DLG2: variants seen among roughly 807,000 people sequenced by gnomAD.
DLG2 encodes disks large homolog 2.
Under a neutral mutation model 132.5 loss-of-function variants are expected in DLG2, and 45 were observed. That is an observed-to-expected ratio of 0.34 (90% confidence interval 0.27 to 0.44). DLG2 has a LOEUF of 0.44. Ranked by LOEUF, DLG2 falls within the 20% of genes least tolerant of loss-of-function variation. The pLI is 1.00. For missense variants in DLG2, 1,045 were observed against 1,196.9 expected (o/e 0.87, Z 1.87); for synonymous variants, 424 against 419.6 (o/e 1.01, Z -0.13).
intron 6 of DLG2, among the ~76,000 whole-genome samples, chr11:85,058,708 A>G (rs1224358562): frequency 1.3e-5 from 2 of 151,560 alleles, no homozygotes; most frequent in Admixed American, 1.3e-4. Context: ...AATAGGGTTT[A>G]AAAATAGGCC....
intron 6 of DLG2, among the ~76,000 whole-genome samples, chr11:84,855,323 G>A (rs373850440): frequency 8.5e-5 from 13 of 152,150 alleles, no homozygotes; most frequent in East Asian, 7.7e-4. Context: ...AGTGATAACC[G>A]GGAATAATGA....
At chr11:84,838,003 G>T (rs1013572405) in intron 6 of DLG2, among the ~76,000 whole-genome samples, 1 of 151,792 alleles carries the variant, frequency 6.6e-6, no homozygotes, top group African/African-American at 2.4e-5. Flanking sequence ...GCATGTCAAA[G>T]CTTGATATCA....
At chr11:84,525,884 C>T (rs184201344) in intron 7 of DLG2, among the ~76,000 whole-genome samples, 1 of 152,122 alleles carries the variant, frequency 6.6e-6, no homozygotes, top group Non-Finnish European at 1.5e-5. Flanking sequence ...TACTGTTACA[C>T]AACTGCTAGA....
At chr11:84,596,139 TGAAA>T (rs1255755828) in intron 6 of DLG2, among the ~76,000 whole-genome samples, 2 of 152,150 alleles carry the variant, frequency 1.3e-5, no homozygotes, top group African/African-American at 4.8e-5. Context: ...TCTCATCAGC[TGAAA>T]GAATTATCAG....
At chr11:84,690,879 T>G (rs1339719165) in intron 6 of DLG2, among the ~76,000 whole-genome samples, 1 of 151,850 alleles carries the variant, frequency 6.6e-6, no homozygotes, top group African/African-American at 2.4e-5. Flanking sequence ...TCAAAATAAA[T>G]GGAATTGATA....
At chr11:84,672,707 C>T (rs1385289927) in intron 6 of DLG2, among the ~76,000 whole-genome samples, 1 of 152,124 alleles carries the variant, frequency 6.6e-6, no homozygotes, top group Non-Finnish European at 1.5e-5. Flanking sequence ...TCCCTGTTAC[C>T]AGGAATACAG....
chr11:84,990,383 G>C (rs1290742928), intron 6 of DLG2, among the ~76,000 whole-genome samples: 1 of 152,146 alleles, frequency 6.6e-6, no homozygotes, highest in Non-Finnish European at 1.5e-5. Context: ...AATGAGATTA[G>C]TGCCCCTATA....
At chr11:84,833,319 A>G (rs1166709901) in intron 6 of DLG2, among the ~76,000 whole-genome samples, 2 of 151,652 alleles carry the variant, frequency 1.3e-5, no homozygotes, top group African/African-American at 2.4e-5. Context: ...AACGTCTCTC[A>G]GAGCTTCACT....
chr11:85,091,163 C>A (rs558244380), intron 6 of DLG2, among the ~76,000 whole-genome samples: 1 of 152,104 alleles, frequency 6.6e-6, no homozygotes, highest in Admixed American at 6.5e-5. Context: ...ATGAGGTTTG[C>A]GGGAGATAAA....
intron 3 of DLG2, among the ~76,000 whole-genome samples, chr11:85,440,524 G>A (rs1411909385): frequency 1.3e-5 from 2 of 152,158 alleles, no homozygotes; most frequent in Non-Finnish European, 2.9e-5. Flanking sequence ...GCTGCGTGAA[G>A]TTTAGAGTAC....
chr11:85,399,512 G>A (rs1371321533), intron 3 of DLG2, among the ~76,000 whole-genome samples: 5 of 152,020 alleles, frequency 3.3e-5, no homozygotes, highest in Admixed American at 6.6e-5. Context: ...GAGGCATCAC[G>A]CTACCTGACT....
At chr11:84,125,480 C>T (rs1326463347) in intron 9 of DLG2, among the ~76,000 whole-genome samples, 3 of 152,050 alleles carry the variant, frequency 2.0e-5, no homozygotes, top group Non-Finnish European at 2.9e-5. Flanking sequence ...CAACCTAAGC[C>T]ACTATAATTT....
At chr11:85,415,321 C>T (rs1301002024) in intron 3 of DLG2, among the ~76,000 whole-genome samples, 1 of 152,110 alleles carries the variant, frequency 6.6e-6, no homozygotes, top group Non-Finnish European at 1.5e-5. Flanking sequence ...AATAAACATA[C>T]ATGTGCATGT....
At position 84,359,247 on chromosome 11, in the gene DLG2, G is replaced by T. The variant is rs2098635983; in HGVS notation, c.520-107956C>A. Among the ~76,000 whole-genome samples the T allele has an allele frequency of 6.6e-5, 10 of 151,936 alleles. No individual in the cohort carries two copies. In the South Asian group the frequency reaches 2.1e-3, roughly 32 times the overall value. On this transcript the variant is annotated intron_variant, in intron 7 of 27. Transcript: ENST00000376104. ...TATTCCAAAGAAATGGTAAAACTGA[G>T]AAATGAATCAATATGCTGTTGTTCT...
intron 6 of DLG2, among the ~76,000 whole-genome samples, chr11:85,059,185 T>C (rs1469504740): frequency 1.3e-5 from 2 of 150,920 alleles, no homozygotes; most frequent in Admixed American, 6.6e-5. Flanking sequence ...CCGATAAATA[T>C]ATAGAAAGAT....
At chr11:84,920,033 C>T (rs550615665) in intron 6 of DLG2, among the ~76,000 whole-genome samples, 115 of 152,192 alleles carry the variant, frequency 7.6e-4, no homozygotes, top group Middle Eastern at 3.4e-3. Context: ...AACAAGAAAA[C>T]ACAGGACATA....
intron 7 of DLG2, among the ~76,000 whole-genome samples, chr11:84,385,304 C>A (rs1432032916): frequency 6.6e-6 from 1 of 152,046 alleles, no homozygotes; most frequent in Non-Finnish European, 1.5e-5. Context: ...CAAGTCACAG[C>A]CCCAAATGAA....
At chr11:84,192,184 T>C (rs773315977) in intron 8 of DLG2, among the ~76,000 whole-genome samples, 1 of 152,076 alleles carries the variant, frequency 6.6e-6, no homozygotes, top group South Asian at 2.1e-4. Flanking sequence ...ATAAGGTAGA[T>C]TATAAGGAGA....
intron 9 of DLG2, among the ~76,000 whole-genome samples, chr11:84,141,314 T>C (rs2094835266): frequency 6.6e-6 from 1 of 151,424 alleles, no homozygotes; most frequent in South Asian, 2.1e-4. Context: ...ATATAGAATA[T>C]AGAATGTATA....
Sources: gnomAD v4.1 joint callset for allele counts (sites outside exome capture counted in the v4.1 genomes callset) on GRCh38, gnomAD v4.1.1 for gene constraint, MANE v1.5 for transcripts, NCBI Gene and HGNC (gene_info 2026-07-23, HGNC 2026-07-21) for gene names.